The following KIF20B variants were observed in gnomAD, a reference collection of about 807,000 sequenced individuals.
The protein encoded by KIF20B is kinesin family member 20B.
A neutral mutation model predicts 232.5 loss-of-function variants in KIF20B; 188 were observed. That is an observed-to-expected ratio of 0.81 (90% confidence interval 0.72 to 0.91). The LOEUF is 0.91. Among genes scored for constraint, KIF20B ranks in the 40% least tolerant of loss-of-function variants. The pLI is 0.00. For synonymous variants in KIF20B, 712 were observed against 683.0 expected (o/e 1.04, Z -0.66); for missense variants, 2,154 against 2,055.9 (o/e 1.05, Z -0.92).
chr10:89,740,200 G>A (rs1318209799), intron 21 of KIF20B, among the ~76,000 whole-genome samples: 1 of 136,320 alleles, frequency 7.3e-6, no homozygotes, highest in African/African-American at 2.7e-5. Flanking sequence ...TTTCTGCTCT[G>A]TTGAAGTCAT....
chr10:89,750,445 T>C (rs888703816), intron 23 of KIF20B, among the ~76,000 whole-genome samples: 1 of 152,192 alleles, frequency 6.6e-6, no homozygotes, highest in African/African-American at 2.4e-5. Context: ...GGAAAAATAC[T>C]AAAAACTGCT....
Position 89,752,634 on chromosome 10 carries a change from A to G in KIF20B, c.4290A>G (p.Glu1430=), listed in dbSNP as rs41286900. The G allele has an allele frequency of 1.8e-5, 29 of 1,606,906 alleles. No individual in the cohort carries two copies. The Admixed American group carries it at 4.7e-4, about 26-fold the overall frequency. Residue 1430 remains glutamate (E), a synonymous_variant, in exon 25 of 33, where the codon GAA becomes GAG. Coordinates refer to ENST00000371728, the MANE Select transcript of KIF20B (RefSeq NM_001284259.2). The part of the protein sequence containing the change: ...ETKNNQRSNK[E]HENNTDVLGK... ...AAAACAATCAAAGGTCAAATAAAGA[A>G]CATGAGAACAACACAGATGTGCTTG...
intron 13 of KIF20B, among the ~76,000 whole-genome samples, chr10:89,721,034 A>T (rs1324844500): frequency 6.6e-6 from 1 of 151,948 alleles, no homozygotes; most frequent in Non-Finnish European, 1.5e-5. Context: ...ATTGGCCATA[A>T]CTCCGTGAGT....
At chr10:89,706,859 C>T (rs149778794) in intron 2 of KIF20B, among the ~76,000 whole-genome samples, 1 of 152,080 alleles carries the variant, frequency 6.6e-6, no homozygotes, top group Non-Finnish European at 1.5e-5. Flanking sequence ...TCCAGTTTTG[C>T]TTTTCTAGGA....
intron 19 of KIF20B, among the ~76,000 whole-genome samples, chr10:89,733,789 A>G (rs1323449269): frequency 1.3e-5 from 2 of 152,226 alleles, no homozygotes; most frequent in Non-Finnish European, 2.9e-5. Flanking sequence ...TATACATAAT[A>G]AAACCTTGTC....
intron 29 of KIF20B, among the ~76,000 whole-genome samples, chr10:89,767,330 T>G: frequency 6.9e-6 from 1 of 144,026 alleles, no homozygotes; most frequent in Admixed American, 7.0e-5. Flanking sequence ...ATCCCTCCCC[T>G]AGCCCCCCAC....
chr10:89,704,846 C>T lies in KIF20B; in HGVS notation c.-1-448C>T, dbSNP rs539580638. On this transcript the variant is annotated intron_variant, in intron 1 of 32. Coordinates refer to ENST00000371728, the MANE Select transcript of KIF20B (RefSeq NM_001284259.2). Reference sequence around the variant, plus strand: ...TGCTGGGATTACAGGCGTGAGCCACCGCACCAGACCCAGATAACTGAGTTT... The same window carrying T: ...TGCTGGGATTACAGGCGTGAGCCACTGCACCAGACCCAGATAACTGAGTTT... 6.6e-5 allele frequency among the ~76,000 whole-genome samples: 10 copies of T among 152,292 alleles called. No homozygotes were observed. The East Asian group carries it at 9.6e-4, about 15-fold the overall frequency.
chr10:89,711,031 G>A lies in KIF20B; in HGVS notation c.561G>A (p.Leu187=), dbSNP rs970935308. ...TATTTGATAGTCTTCAAGAAAGACT[G>A]TATACAAAGATGAACCTTAAACCAC... The part of the protein sequence containing the change: ...NVLFDSLQER[L]YTKMNLKPHR... Residue 187 remains leucine, a synonymous_variant, in exon 6 of 33, where the codon CTG becomes CTA. Transcript: ENST00000371728. 4 of 1,608,886 alleles carry A rather than the reference G, an allele frequency of 2.5e-6. No homozygotes were observed. Among genetic ancestry groups the A allele is most frequent in the South Asian group, 1.1e-5 (1 of 90,426 alleles).
intron 15 of KIF20B, among the ~76,000 whole-genome samples, chr10:89,726,031 G>A (rs1356757377): frequency 6.6e-6 from 1 of 152,116 alleles, no homozygotes; most frequent in Non-Finnish European, 1.5e-5. Flanking sequence ...CCTGAACTAG[G>A]TAATCATAAT....
intron 21 of KIF20B, among the ~76,000 whole-genome samples, chr10:89,740,687 G>A (rs72818766): frequency 0.17 from 25,360 of 152,032 alleles, 2,574 homozygotes; most frequent in Non-Finnish European, 0.23. Context: ...TTGGGACAGG[G>A]TCTTACTCTG....
chr10:89,770,333 A>T (rs994063110), intron 31 of KIF20B, among the ~76,000 whole-genome samples: 1 of 151,984 alleles, frequency 6.6e-6, no homozygotes. Context: ...ACATACATTT[A>T]AAAAAATATG....
intron 14 of KIF20B, 144 bp from the exon 15 acceptor site, chr10:89,724,876 A>G: frequency 2.8e-6 from 2 of 725,326 alleles, no homozygotes; most frequent in Non-Finnish European, 4.4e-6. Flanking sequence ...CCGCCTCCCA[A>G]ATTGCTGGGA....
At chr10:89,768,716 C>CA (rs763420233) in intron 30 of KIF20B, 22 bp from the exon 31 acceptor site, 114 of 1,564,356 alleles carry the variant, frequency 7.3e-5, no homozygotes, top group Non-Finnish European at 7.6e-5. Flanking sequence ...TCAACAATAA[C>CA]AAAAAATGTT....
In KIF20B at chr10:89,709,252, A is replaced by C; in HGVS notation, c.233A>C (p.Glu78Ala). Residue 78 changes from glutamate to alanine, a missense_variant and splice_region_variant, in exon 3 of 33, where the codon GAG (glutamate) becomes GCG (alanine). By Grantham distance (107) the Glu-to-Ala change is moderately radical. Transcript: ENST00000371728. Reference sequence around the variant, plus strand: ...CAGTCAGAAAAAGAACTTGAGTCTGAGGTTTGTGTTGAATTTAATAGAATT... The same window carrying C: ...CAGTCAGAAAAAGAACTTGAGTCTGCGGTTTGTGTTGAATTTAATAGAATT... ...FTQSEKELES[E>A]GCVHILDSQT... 8 of 1,604,966 alleles carry C rather than the reference A, an allele frequency of 5.0e-6. No individual in the cohort carries two copies. The highest frequency in any genetic ancestry group is 6.0e-6 in the Non-Finnish European group (7 of 1,174,130).
At position 89,745,944 on chromosome 10, in the gene KIF20B, G is replaced by A; in HGVS notation, c.4081G>A (p.Glu1361Lys). ...QKVEEAIQQYERACKDLNVKE... is the reference protein window; with the variant it reads ...QKVEEAIQQYKRACKDLNVKE... ...AGTGGAAGAAGCTATACAACAGTAT[G>A]AGAGAGCATGCAAAGGTCAGGAACA... Residue 1361 changes from glutamate (E) to lysine (K), a missense_variant, in exon 23 of 33, where the codon GAG becomes AAG. Transcript: ENST00000371728. 6.2e-7 allele frequency: 1 copy of A among 1,611,126 alleles called. No individual in the cohort carries two copies. Among genetic ancestry groups the A allele is most frequent in the South Asian group, 1.1e-5 (1 of 91,016 alleles).
intron 16 of KIF20B, among the ~76,000 whole-genome samples, chr10:89,726,947 A>G (rs1210575970): frequency 6.6e-6 from 1 of 151,646 alleles, no homozygotes; most frequent in East Asian, 1.9e-4. Flanking sequence ...TTGGGACCAC[A>G]AGTGTGCACT....
At chr10:89,725,825 T>C (rs915683929) in intron 15 of KIF20B, among the ~76,000 whole-genome samples, 1 of 151,188 alleles carries the variant, frequency 6.6e-6, no homozygotes, top group African/African-American at 2.4e-5. Context: ...GGGGAGTTGG[T>C]TTTTTTTTGT....
intron 8 of KIF20B, among the ~76,000 whole-genome samples, chr10:89,715,992 A>AAATAAAT (rs1842927038): frequency 6.7e-6 from 1 of 148,954 alleles, no homozygotes; most frequent in South Asian, 2.2e-4. Context: ...CCTTGTCTCC[A>AAATAAAT]AAATAAATAA....
chr10:89,732,111 T>A (rs1169518879), intron 18 of KIF20B, among the ~76,000 whole-genome samples: 1 of 144,782 alleles, frequency 6.9e-6, no homozygotes, highest in African/African-American at 2.7e-5. Context: ...GTTCCCCCCC[T>A]CTCTCAGCTC....
Sources: allele counts gnomAD v4.1 joint callset (sites outside exome capture counted in the v4.1 genomes callset), GRCh38; gene constraint gnomAD v4.1.1; transcripts MANE v1.5; gene names NCBI Gene and HGNC (gene_info 2026-07-23, HGNC 2026-07-21).